The following GDAP2 variants were observed in gnomAD, a reference collection of about 807,000 sequenced individuals.
The protein encoded by GDAP2 is ganglioside induced differentiation associated protein 2, also known as ganglioside-induced differentiation-associated protein 2.
GDAP2 carries 51 observed loss-of-function variants against 67.0 expected under a neutral mutation model. That is an observed-to-expected ratio of 0.76 (90% CI 0.61 to 0.96). The LOEUF (loss-of-function observed/expected upper bound fraction) is 0.96, where lower values mean the gene tolerates loss of function less well. GDAP2 is among the 40% of genes least tolerant of loss of function. The pLI is 0.00. For synonymous variants in GDAP2, 203 were observed against 207.3 expected, an observed-to-expected ratio of 0.98 and a Z score of 0.18; for missense variants, 547 against 588.3, an observed-to-expected ratio of 0.93 and a Z score of 0.73.
chr1:117,911,805 C>T (rs1295406374), intron 5 of GDAP2, among the ~76,000 whole-genome samples, 189 bp downstream of exon 5: 2 of 150,250 alleles, frequency 1.3e-5, no homozygotes, highest in Non-Finnish European at 3.0e-5. Flanking sequence ...CTATATGTTG[C>T]TCGGGCTGGA....
chr1:117,877,811 G>GA, intron 13 of GDAP2, 198 bp downstream of exon 13: 9 of 1,261,646 alleles, frequency 7.1e-6, no homozygotes, highest in Non-Finnish European at 9.0e-6. Flanking sequence ...TTTATCTGGA[G>GA]AAAATGCCTC....
chr1:117,879,989 G>A (rs1648595238), intron 12 of GDAP2, among the ~76,000 whole-genome samples: 1 of 152,056 alleles, frequency 6.6e-6, no homozygotes, highest in African/African-American at 2.4e-5. Context: ...ACCAGCCTTG[G>A]CAACAGGGCA....
At chr1:117,877,397 CT>C (rs766967744) in intron 13 of GDAP2, 3,159 of 804,894 alleles carry the variant, frequency 3.9e-3, no homozygotes, top group Middle Eastern at 5.7e-3. Flanking sequence ...AAGTGTGTTA[CT>C]TTTTTTTTTT....
Position 117,866,219 on chromosome 1 carries a change from G to T in GDAP2, c.*4350C>A, listed in dbSNP as rs890192148. Reference sequence around the variant, plus strand: ...TGGAGCCCTCATGAATGAGATTAGTGCCCTTATAAGAAGAGACAGGAAAGT... The same window carrying T: ...TGGAGCCCTCATGAATGAGATTAGTTCCCTTATAAGAAGAGACAGGAAAGT... On this transcript the variant is annotated 3_prime_UTR_variant, in exon 14 of 14. Coordinates refer to ENST00000369443, the MANE Select transcript of GDAP2 (RefSeq NM_017686.4). 1 of 152,054 alleles carries T rather than the reference G, an allele frequency of 6.6e-6. No individual in the cohort carries two copies. Among genetic ancestry groups the T allele is most frequent in the Non-Finnish European group, 1.5e-5 (1 of 68,006 alleles). 9.4% of individuals were successfully genotyped at this position (152,054 alleles called of 1,614,324 possible).
At chr1:117,912,795 A>C in intron 3 of GDAP2, 112 bp from the exon 4 acceptor site, 2 of 886,510 alleles carry the variant, frequency 2.3e-6, no homozygotes, top group Non-Finnish European at 3.6e-6. Context: ...ATTTCAGTTA[A>C]AAATACAGAC....
intron 1 of GDAP2, among the ~76,000 whole-genome samples, chr1:117,924,190 G>C (rs1478608518): frequency 6.6e-6 from 1 of 152,138 alleles, no homozygotes; most frequent in Non-Finnish European, 1.5e-5. Context: ...TAGGTAAATT[G>C]CATGTCACAG....
intron 1 of GDAP2, among the ~76,000 whole-genome samples, chr1:117,926,754 C>A (rs1650458611): frequency 6.6e-6 from 1 of 152,144 alleles, no homozygotes; most frequent in Non-Finnish European, 1.5e-5. Flanking sequence ...TCCTTTCACT[C>A]CCCAGAATAT....
At chr1:117,917,033 CA>C (rs750173392) in intron 3 of GDAP2, among the ~76,000 whole-genome samples, 3 of 128,588 alleles carry the variant, frequency 2.3e-5, no homozygotes, top group Non-Finnish European at 4.9e-5. Flanking sequence ...GACTCTGTCT[CA>C]GGAAAAAAAA....
intron 1 of GDAP2, among the ~76,000 whole-genome samples, chr1:117,926,625 A>G (rs1650454792): frequency 6.6e-6 from 1 of 152,198 alleles, no homozygotes. Context: ...TTAGTAATAC[A>G]TACAGTAAAT....
At chr1:117,916,539 C>T (rs1483480599) in intron 3 of GDAP2, among the ~76,000 whole-genome samples, 1 of 152,048 alleles carries the variant, frequency 6.6e-6, no homozygotes, top group Non-Finnish European at 1.5e-5. Context: ...ATTTAAGAAA[C>T]GAAGAATGGA....
intron 6 of GDAP2, among the ~76,000 whole-genome samples, chr1:117,903,238 C>T (rs747012283): frequency 2.0e-5 from 3 of 151,984 alleles, no homozygotes; most frequent in Non-Finnish European, 4.4e-5. Flanking sequence ...ACTTTTACTT[C>T]GTTCTTTTCA....
chr1:117,915,205 C>T (rs1650005949), intron 3 of GDAP2, among the ~76,000 whole-genome samples: 1 of 152,096 alleles, frequency 6.6e-6, no homozygotes, highest in Admixed American at 6.5e-5. Context: ...ATATTTTAGG[C>T]AAAACTTGAC....
In GDAP2 at chr1:117,870,430, A is replaced by G; in HGVS notation, c.*139T>C. The G allele has an allele frequency of 1.5e-6, 1 of 670,774 alleles. No homozygotes were observed. The highest frequency in any genetic ancestry group is 2.7e-6 in the Non-Finnish European group (1 of 373,628). The allele number at this position is 670,774 out of a possible 1,614,324, so 41.6% of individuals were successfully genotyped here. A position where few individuals can be genotyped will look rare whatever the true frequency, so the allele number is the denominator to read the frequency against. On this transcript the variant is annotated 3_prime_UTR_variant, in exon 14 of 14. Transcript: ENST00000369443. ...ATTGCTTATGTGCCAGAAAATATACAGTCAATAAAAAAATACCAGAGAGGT... is the reference window on the plus strand; with the variant it reads ...ATTGCTTATGTGCCAGAAAATATACGGTCAATAAAAAAATACCAGAGAGGT...
rs191510727 is a variant in GDAP2, at chr1:117,922,134, T to C, written c.-67-1710A>G. 3.0e-3 allele frequency among the ~76,000 whole-genome samples: 457 copies of C among 152,348 alleles called. 3 individuals are homozygous for C. The highest frequency in any genetic ancestry group is 6.8e-3 in the Middle Eastern group (2 of 294). ...ATGTCAAACATGCAAATTGGTTATA[T>C]GAGGCTAGAGCTCACAGAAGATGCG... On this transcript the variant is annotated intron_variant, in intron 1 of 13. Coordinates refer to ENST00000369443, the MANE Select transcript of GDAP2 (RefSeq NM_017686.4).
chr1:117,867,207 GA>G lies in GDAP2; in HGVS notation c.*3361del, dbSNP rs1648099800. The G allele has an allele frequency of 6.6e-6, 1 of 151,988 alleles. No homozygotes were observed. The highest frequency in any genetic ancestry group is 1.5e-5 in the Non-Finnish European group (1 of 67,992). 9.4% of individuals were successfully genotyped at this position (151,988 alleles called of 1,614,324 possible). On this transcript the variant is annotated 3_prime_UTR_variant, in exon 14 of 14. Coordinates refer to ENST00000369443, the MANE Select transcript of GDAP2 (RefSeq NM_017686.4). ...TCATTAAACAATATCCAAGCAAACA[GA>G]AAAGAAGAGGAAATAGGCAAGCCAT... is the stretch of plus-strand genomic sequence containing the variant.
rs1047555671 is a variant in GDAP2, at chr1:117,864,976, A to C, written c.*5593T>G. 1 of 152,118 alleles carries C rather than the reference A, an allele frequency of 6.6e-6. No individual in the cohort carries two copies. The highest frequency in any genetic ancestry group is 1.5e-5 in the Non-Finnish European group (1 of 68,028). The allele number at this position is 152,118 out of a possible 1,614,324, so 9.4% of individuals were successfully genotyped here. On this transcript the variant is annotated 3_prime_UTR_variant, in exon 14 of 14. Transcript: ENST00000369443. ...AATCTGGAAGCTAAATGCAGTCTAT[A>C]CTCTTTTACTCTAACTATGGTCTGG... is the stretch of plus-strand genomic sequence containing the variant.
chr1:117,885,256 G>A (rs1648811725), intron 10 of GDAP2, among the ~76,000 whole-genome samples: 1 of 151,866 alleles, frequency 6.6e-6, no homozygotes, highest in Non-Finnish European at 1.5e-5. Flanking sequence ...CCACCCCAGG[G>A]CAATTAGGAT....
chr1:117,872,388 C>T (rs1483931301), intron 13 of GDAP2, among the ~76,000 whole-genome samples: 1 of 152,092 alleles, frequency 6.6e-6, no homozygotes, highest in Non-Finnish European at 1.5e-5. Flanking sequence ...GATACATGCA[C>T]ATGTATGTTT....
At chr1:117,907,922 G>A (rs1373062974) in intron 5 of GDAP2, among the ~76,000 whole-genome samples, 1 of 152,056 alleles carries the variant, frequency 6.6e-6, no homozygotes, top group Non-Finnish European at 1.5e-5. Flanking sequence ...ATACTCCAAC[G>A]CCAACTGTCC....
Sources: allele counts gnomAD v4.1 joint callset (sites outside exome capture counted in the v4.1 genomes callset), GRCh38; gene constraint gnomAD v4.1.1; transcripts MANE v1.5; gene names NCBI Gene and HGNC (gene_info 2026-07-23, HGNC 2026-07-21).